The following REDIC1 variants were observed in gnomAD, a reference collection of about 807,000 sequenced individuals.
REDIC1 encodes the protein HEI10 Interacting Protein 1.
At chr12:39,640,993 AG>A in the REDIC1 span, 5 of 1,609,420 alleles carry the variant, frequency 3.1e-6, no homozygotes, top group Non-Finnish European at 4.2e-6. Flanking sequence ...AGAAAGCAAA[AG>A]GTAAAGAAAA....
At chr12:39,724,576 T>C in the REDIC1 span, among the ~76,000 whole-genome samples, 1 of 152,134 alleles carries the variant, frequency 6.6e-6, no homozygotes, top group South Asian at 2.1e-4. Context: ...ATTGTTTGTT[T>C]CTGGGGCAAG....
chr12:39,723,401 G>A, the REDIC1 span, among the ~76,000 whole-genome samples: 1 of 151,742 alleles, frequency 6.6e-6, no homozygotes, highest in Non-Finnish European at 1.5e-5. Context: ...TTCCTTAGAC[G>A]CTTTAAGGAG....
chr12:39,865,079 G>T, the REDIC1 span, among the ~76,000 whole-genome samples: 1 of 152,142 alleles, frequency 6.6e-6, no homozygotes, highest in Non-Finnish European at 1.5e-5. Context: ...TCACTAGCAC[G>T]TTCATTGTGA....
chr12:39,854,593 T>C, the REDIC1 span, among the ~76,000 whole-genome samples: 2 of 152,176 alleles, frequency 1.3e-5, no homozygotes, highest in African/African-American at 4.8e-5. Flanking sequence ...TCTCTGGGGC[T>C]GCCAGACTCT....
chr12:39,774,150 T>C, the REDIC1 span, among the ~76,000 whole-genome samples: 5 of 152,164 alleles, frequency 3.3e-5, no homozygotes, highest in Non-Finnish European at 5.9e-5. Context: ...AATTTGAGGG[T>C]AGTGGTGAAA....
the REDIC1 span, among the ~76,000 whole-genome samples, chr12:39,702,961 AC>A: frequency 6.6e-6 from 1 of 152,168 alleles, no homozygotes; most frequent in South Asian, 2.1e-4. Context: ...TCTATGACAA[AC>A]CCACAGCCAG....
chr12:39,665,504 C>T, the REDIC1 span, among the ~76,000 whole-genome samples: 84 of 149,550 alleles, frequency 5.6e-4, no homozygotes, highest in African/African-American at 1.7e-3. Flanking sequence ...AGTCAGGTAG[C>T]GTGATGCCTC....
chr12:39,683,093 G>A, the REDIC1 span: 2 of 1,611,106 alleles, frequency 1.2e-6, no homozygotes, highest in South Asian at 2.2e-5. Flanking sequence ...AATGATCTTA[G>A]TACATCTTTT....
the REDIC1 span, among the ~76,000 whole-genome samples, chr12:39,628,759 A>G: frequency 6.6e-6 from 1 of 152,208 alleles, no homozygotes; most frequent in Admixed American, 6.5e-5. Context: ...GCAAATCACT[A>G]TAATAATAGA....
At chr12:39,678,649 A>T in the REDIC1 span, among the ~76,000 whole-genome samples, 2 of 125,796 alleles carry the variant, frequency 1.6e-5, no homozygotes, top group East Asian at 2.2e-4. Flanking sequence ...AAAAAAAAAA[A>T]GGAAACTATA....
the REDIC1 span, among the ~76,000 whole-genome samples, chr12:39,713,221 T>TACACATATACGTGTATATATGGGTAC: frequency 3.5e-5 from 5 of 143,474 alleles, no homozygotes; most frequent in African/African-American, 1.0e-4. Flanking sequence ...ATGTTTATAT[T>TACACATATACGTGTATATATGGGTAC]ACACATATAC....
chr12:39,731,504 C>A, the REDIC1 span, among the ~76,000 whole-genome samples: 9 of 152,142 alleles, frequency 5.9e-5, no homozygotes, highest in Non-Finnish European at 8.8e-5. Context: ...AAGATTTCTG[C>A]CTGTTCCTTC....
the REDIC1 span, among the ~76,000 whole-genome samples, chr12:39,671,056 T>C: frequency 6.6e-6 from 1 of 152,222 alleles, no homozygotes; most frequent in Non-Finnish European, 1.5e-5. Context: ...TGTTAGAATC[T>C]GTTGTTGGAG....
At chr12:39,739,323 A>G in the REDIC1 span, among the ~76,000 whole-genome samples, 1 of 152,196 alleles carries the variant, frequency 6.6e-6, no homozygotes. Context: ...CCCTTTCTCA[A>G]TGAGTTTTTA....
the REDIC1 span, among the ~76,000 whole-genome samples, chr12:39,711,141 G>A: frequency 1.1e-4 from 16 of 151,220 alleles, no homozygotes; most frequent in Admixed American, 6.0e-4. Flanking sequence ...AGAACATACG[G>A]TTTGGTTTCC....
At chr12:39,877,958 T>C in the REDIC1 span, among the ~76,000 whole-genome samples, 1 of 152,098 alleles carries the variant, frequency 6.6e-6, no homozygotes, top group African/African-American at 2.4e-5. Context: ...TGAGATTTGG[T>C]CATCTAAAAG....
chr12:39,702,082 C>G, the REDIC1 span, among the ~76,000 whole-genome samples: 3 of 152,166 alleles, frequency 2.0e-5, no homozygotes, highest in African/African-American at 7.2e-5. Context: ...CAAGAAATAA[C>G]TAAAATCAGA....
the REDIC1 span, among the ~76,000 whole-genome samples, chr12:39,895,707 TAC>T: frequency 7.0e-6 from 1 of 143,784 alleles, no homozygotes; most frequent in Middle Eastern, 3.6e-3. Flanking sequence ...CGTGTATACG[TAC>T]ACACATATGT....
the REDIC1 span, among the ~76,000 whole-genome samples, chr12:39,843,602 C>A: frequency 6.6e-6 from 1 of 152,042 alleles, no homozygotes; most frequent in East Asian, 1.9e-4. Context: ...TGTGGCCATA[C>A]AATGAGAGTA....
Sources: allele counts gnomAD v4.1 joint callset (sites outside exome capture counted in the v4.1 genomes callset), GRCh38; gene constraint gnomAD v4.1.1; transcripts MANE v1.5; gene names NCBI Gene and HGNC (gene_info 2026-07-23, HGNC 2026-07-21).